ROBO1: variants seen among roughly 807,000 people sequenced by gnomAD.
The protein encoded by ROBO1 is roundabout guidance receptor 1.
A neutral mutation model predicts 195.9 loss-of-function variants in ROBO1; 149 were observed. The observed-to-expected ratio is 0.76, with a 90% confidence interval of 0.67 to 0.87. The LOEUF (loss-of-function observed/expected upper bound fraction) is 0.87. Among genes scored for constraint, ROBO1 ranks in the 40% least tolerant of loss-of-function variants. ROBO1 has a pLI of 0.00. For synonymous variants in ROBO1, 816 were observed against 733.2 expected (o/e 1.11, Z -1.82); for missense variants, 1,933 against 2,068.3 (o/e 0.93, Z 1.27).
intron 2 of ROBO1, among the ~76,000 whole-genome samples, chr3:79,477,110 T>C (rs1473823784): frequency 1.3e-5 from 2 of 152,122 alleles, no homozygotes; most frequent in African/African-American, 4.8e-5. Context: ...GTGATTTTGG[T>C]TGGCAACAAA....
At chr3:79,347,786 A>G (rs1227588632) in intron 2 of ROBO1, among the ~76,000 whole-genome samples, 1 of 152,236 alleles carries the variant, frequency 6.6e-6, no homozygotes, top group Non-Finnish European at 1.5e-5. Flanking sequence ...ATGTAGAATA[A>G]CATTCACATT....
At chr3:78,970,400 T>C in intron 3 of ROBO1, among the ~76,000 whole-genome samples, 1 of 152,048 alleles carries the variant, frequency 6.6e-6, no homozygotes, top group African/African-American at 2.4e-5. Flanking sequence ...CACTGCAGGG[T>C]GATATAAACA....
intron 4 of ROBO1, among the ~76,000 whole-genome samples, chr3:78,906,687 TTA>T (rs1196758616): frequency 6.6e-6 from 1 of 150,806 alleles, no homozygotes; most frequent in Non-Finnish European, 1.5e-5. Context: ...CTCTTGACAA[TTA>T]TGAGGACCCC....
intron 3 of ROBO1, among the ~76,000 whole-genome samples, chr3:78,960,171 C>T (rs1279423105): frequency 6.6e-6 from 1 of 152,014 alleles, no homozygotes; most frequent in Non-Finnish European, 1.5e-5. Flanking sequence ...GGCAAAATCC[C>T]ATCTCTAAAA....
At chr3:78,993,990 T>TA (rs879428125) in intron 3 of ROBO1, among the ~76,000 whole-genome samples, 4,391 of 147,478 alleles carry the variant, frequency 0.03, 173 homozygotes, top group African/African-American at 0.09. Context: ...ATACCAGCTT[T>TA]AAAAAAAAAA....
intron 2 of ROBO1, among the ~76,000 whole-genome samples, chr3:79,233,942 G>A (rs1386991823): frequency 2.6e-5 from 4 of 151,900 alleles, no homozygotes; most frequent in African/African-American, 9.7e-5. Flanking sequence ...GATTAGTGAC[G>A]TCCGGCATTT....
chr3:79,624,205 T>C (rs982225144), intron 1 of ROBO1, among the ~76,000 whole-genome samples: 2 of 151,578 alleles, frequency 1.3e-5, no homozygotes, highest in African/African-American at 2.4e-5. Context: ...AAGTATAAAA[T>C]ATGGAAAGGA....
At chr3:79,251,203 G>A (rs1353574912) in intron 2 of ROBO1, among the ~76,000 whole-genome samples, 2 of 152,072 alleles carry the variant, frequency 1.3e-5, no homozygotes, top group Non-Finnish European at 2.9e-5. Context: ...TTATTTAAAT[G>A]GTTTAATATT....
At chr3:78,708,136 C>A (rs1230916162) in intron 8 of ROBO1, among the ~76,000 whole-genome samples, 4 of 152,110 alleles carry the variant, frequency 2.6e-5, no homozygotes, top group African/African-American at 4.8e-5. Flanking sequence ...ATTAATAATG[C>A]CATCTAGTTC....
chr3:78,704,082 T>A (rs1268381214), intron 8 of ROBO1, among the ~76,000 whole-genome samples: 1 of 152,094 alleles, frequency 6.6e-6, no homozygotes, highest in Non-Finnish European at 1.5e-5. Context: ...TCAACCAAGA[T>A]CTTGGATTAT....
intron 4 of ROBO1, among the ~76,000 whole-genome samples, chr3:78,908,207 C>T (rs1166394534): frequency 6.6e-6 from 1 of 151,910 alleles, no homozygotes; most frequent in Admixed American, 6.6e-5. Context: ...AATTATCCAG[C>T]ATCCTGCAAC....
chr3:79,514,661 T>A (rs1459112631), intron 2 of ROBO1, among the ~76,000 whole-genome samples: 1 of 152,168 alleles, frequency 6.6e-6, no homozygotes. Context: ...AACACTATTA[T>A]CACCAAAAAA....
At chr3:79,713,417 TGG>T (rs2107243360) in intron 1 of ROBO1, among the ~76,000 whole-genome samples, 1 of 152,190 alleles carries the variant, frequency 6.6e-6, no homozygotes, top group African/African-American at 2.4e-5. Context: ...TTTTAATTCA[TGG>T]GAGAAGGTCA....
At chr3:79,724,784 A>G (rs1269810761) in intron 1 of ROBO1, among the ~76,000 whole-genome samples, 4 of 152,236 alleles carry the variant, frequency 2.6e-5, no homozygotes, top group East Asian at 1.9e-4. Context: ...AGATAAATCA[A>G]TGTGTTTTAA....
intron 1 of ROBO1, among the ~76,000 whole-genome samples, chr3:79,715,356 A>C (rs1407462088): frequency 6.6e-6 from 1 of 152,090 alleles, no homozygotes; most frequent in Admixed American, 6.6e-5. Context: ...TGTTTTAAGA[A>C]ATTGCCACAG....
intron 2 of ROBO1, among the ~76,000 whole-genome samples, chr3:79,369,133 G>A (rs549276682): frequency 3.9e-5 from 6 of 152,126 alleles, no homozygotes; most frequent in Non-Finnish European, 8.8e-5. Context: ...ATTGTTTTGT[G>A]TATACATCAT....
intron 10 of ROBO1, among the ~76,000 whole-genome samples, chr3:78,680,417 T>G (rs1337872229): frequency 6.6e-6 from 1 of 151,796 alleles, no homozygotes; most frequent in Non-Finnish European, 1.5e-5. Context: ...GGGAGAAAAT[T>G]TTCACAACCT....
At chr3:79,257,499 C>T (rs1198680290) in intron 2 of ROBO1, among the ~76,000 whole-genome samples, 8 of 152,136 alleles carry the variant, frequency 5.3e-5, no homozygotes, top group Admixed American at 4.6e-4. Context: ...GTTTGTACTA[C>T]TCCATCATGG....
intron 2 of ROBO1, among the ~76,000 whole-genome samples, chr3:79,373,781 A>G (rs2036286554): frequency 1.3e-5 from 2 of 152,216 alleles, no homozygotes; most frequent in South Asian, 2.1e-4. Flanking sequence ...AAAAGGGAAC[A>G]TAGCCATTTA....
Sources: allele counts gnomAD v4.1 joint callset (sites outside exome capture counted in the v4.1 genomes callset), GRCh38; gene constraint gnomAD v4.1.1; transcripts MANE v1.5; gene names NCBI Gene and HGNC (gene_info 2026-07-23, HGNC 2026-07-21).